Variants in GPR176 observed in about 807,000 individuals in gnomAD.
GPR176 encodes the protein G-protein coupled receptor 176.
Under a neutral mutation model 35.4 loss-of-function variants are expected in GPR176, and 26 were observed. The ratio of observed to expected loss-of-function variants is 0.74; its 90% confidence interval spans 0.54 to 1.02. The LOEUF is 1.02. GPR176 is among the 50% of genes least tolerant of loss of function. The probability of loss-of-function intolerance (pLI) is 0.00; values close to 1 mark genes in which losing one functional copy is unlikely to be tolerated. For synonymous variants in GPR176, 278 were observed against 271.3 expected (o/e 1.02, Z -0.24); for missense variants, 597 against 665.3 (o/e 0.90, Z 1.13).
At chr15:39,815,978 A>G (rs1178575250) in intron 1 of GPR176, among the ~76,000 whole-genome samples, 3 of 152,240 alleles carry the variant, frequency 2.0e-5, no homozygotes, top group African/African-American at 7.2e-5. Context: ...GAAAAGGAGG[A>G]AATCCTGTCA....
At chr15:39,803,976 T>C (rs1043011523) in intron 2 of GPR176, among the ~76,000 whole-genome samples, 2 of 151,674 alleles carry the variant, frequency 1.3e-5, no homozygotes, top group Admixed American at 1.3e-4. Context: ...GCATAAGTGA[T>C]GCATGCTTTC....
Position 39,801,730 on chromosome 15 carries a change from G to A in GPR176, c.950C>T (p.Pro317Leu), listed in dbSNP as rs762971470. Reference protein sequence around the residue: ...WLPKVSLLANPVLFLTVNKSV... With the variant: ...WLPKVSLLANLVLFLTVNKSV... ...TTTGTTCACAGTAAGAAAGAGAACA[G>A]GGTTTGCCAGCAGGGAGACTTTGGG... The change falls in exon 3 of 3, where the codon CCT (proline) becomes CTT (leucine). Residue 317 changes from proline to leucine, a missense_variant. By Grantham distance (98) the Pro-to-Leu change is moderately conservative (BLOSUM62 -3). Around this residue, in one of 3 missense-constraint regions of GPR176, gnomAD observed 251 missense variants for 255.4 expected, o/e 0.98. Transcript: ENST00000561100. 7 of 1,613,726 alleles carry A rather than the reference G, an allele frequency of 4.3e-6. No individual in the cohort carries two copies. The highest frequency in any genetic ancestry group is 5.9e-6 in the Non-Finnish European group (7 of 1,179,756).
intron 1 of GPR176, among the ~76,000 whole-genome samples, chr15:39,867,108 T>C (rs1426172161): frequency 2.0e-5 from 3 of 152,092 alleles, no homozygotes; most frequent in Non-Finnish European, 4.4e-5. Context: ...TTTAGGAAGA[T>C]GGTTCTTACT....
In GPR176 at chr15:39,837,454, G is replaced by A. The variant is rs549990372; in HGVS notation, c.173-30196C>T. Among the ~76,000 whole-genome samples the A allele has an allele frequency of 1.9e-3, 296 of 152,178 alleles. 2 individuals carry two copies. The highest frequency in any genetic ancestry group is 6.9e-3 in the African/African-American group (286 of 41,522). On this transcript the variant is annotated intron_variant, in intron 1 of 2. Coordinates refer to ENST00000561100, the MANE Select transcript of GPR176 (RefSeq NM_007223.3). ...GAATTCCCTTGCCTCTTGTACATAC[G>A]TGGTAAATCCTATTTAAGCTTTAAG...
chr15:39,896,979 G>A (rs1325619032), intron 1 of GPR176, among the ~76,000 whole-genome samples: 1 of 152,236 alleles, frequency 6.6e-6, no homozygotes, highest in Admixed American at 6.5e-5. Context: ...ATCTCTGGTT[G>A]TGGTTTCTTC....
intron 1 of GPR176, among the ~76,000 whole-genome samples, chr15:39,875,285 C>A (rs558575966): frequency 3.3e-5 from 5 of 152,276 alleles, no homozygotes; most frequent in Non-Finnish European, 7.4e-5. Context: ...AAAGCAAAAA[C>A]CAACCGTTTC....
chr15:39,872,758 A>T (rs1158826833), intron 1 of GPR176, among the ~76,000 whole-genome samples: 1 of 152,088 alleles, frequency 6.6e-6, no homozygotes, highest in Non-Finnish European at 1.5e-5. Flanking sequence ...AAAAGACCAT[A>T]TCTCACAAGA....
chr15:39,894,389 T>C (rs1320700325), intron 1 of GPR176: 83 of 132,446 alleles, frequency 6.3e-4, no homozygotes, highest in Middle Eastern at 3.8e-3. Context: ...CCGGACGGGG[T>C]GGCTGCCGGG....
chr15:39,852,612 C>G (rs1241657371), intron 1 of GPR176, among the ~76,000 whole-genome samples: 1 of 152,134 alleles, frequency 6.6e-6, no homozygotes, highest in Non-Finnish European at 1.5e-5. Context: ...TCTCTCTTGC[C>G]CAAACACTGC....
rs533734498 is a variant in GPR176 at position 39,801,081 on chromosome 15, CTGG to C, written c.*48_*50del. The C allele has an allele frequency of 1.2e-4, 174 of 1,458,078 alleles. 2 individuals carry two copies. In the South Asian group the frequency reaches 2.2e-3, roughly 18 times the overall value. 90.3% of individuals were successfully genotyped at this position (1,458,078 alleles called of 1,614,324 possible). A position where few individuals can be genotyped will look rare whatever the true frequency, so the allele number is the denominator to read the frequency against. On this transcript the variant is annotated 3_prime_UTR_variant, in exon 3 of 3. Transcript: ENST00000561100. ...CACATGGCCACAGCATTCCCACACT[CTGG>C]TGGGAATATGGAAGCTCCCCGTTGC...
At chr15:39,851,966 T>C (rs755446172) in intron 1 of GPR176, among the ~76,000 whole-genome samples, 9 of 152,156 alleles carry the variant, frequency 5.9e-5, no homozygotes, top group Non-Finnish European at 1.3e-4. Flanking sequence ...ACAGTCTGCT[T>C]TTGGTATTGT....
intron 1 of GPR176, among the ~76,000 whole-genome samples, chr15:39,850,952 G>A (rs1178470082): frequency 6.6e-6 from 1 of 152,080 alleles, no homozygotes; most frequent in Non-Finnish European, 1.5e-5. Flanking sequence ...GAACTAACAT[G>A]CTGGAAGTTG....
intron 1 of GPR176, among the ~76,000 whole-genome samples, chr15:39,830,521 G>A (rs913735145): frequency 6.6e-6 from 1 of 152,140 alleles, no homozygotes; most frequent in African/African-American, 2.4e-5. Context: ...GAGCACCCTG[G>A]GCATGCAGGC....
rs928856153 is a variant in GPR176 at position 39,800,073 on chromosome 15, G to C, written c.*1059C>G. On this transcript the variant is annotated 3_prime_UTR_variant, in exon 3 of 3. Transcript: ENST00000561100. The stretch of plus-strand genomic sequence containing the variant: ...CCTCGGAAGGAAACCATCTTTGTCA[G>C]ATTCTTGCCAACCTTTTGGGCAGAG... 6.6e-6 allele frequency: 1 copy of C among 152,216 alleles called. No homozygotes were observed. The highest frequency in any genetic ancestry group is 1.5e-5 in the Non-Finnish European group (1 of 68,034). 9.4% of individuals were successfully genotyped at this position (152,216 alleles called of 1,614,324 possible).
At chr15:39,904,616 A>G (rs1283579806) in intron 1 of GPR176, among the ~76,000 whole-genome samples, 1 of 152,138 alleles carries the variant, frequency 6.6e-6, no homozygotes, top group Non-Finnish European at 1.5e-5. Flanking sequence ...GTCCCCTGCA[A>G]TTGGGGTTCA....
chr15:39,817,682 TAGAAAG>T (rs1655535584), intron 1 of GPR176, among the ~76,000 whole-genome samples: 2 of 151,752 alleles, frequency 1.3e-5, no homozygotes, highest in Non-Finnish European at 2.9e-5. Context: ...CAAAGAGAAT[TAGAAAG>T]AGTAAGAGAG....
chr15:39,900,873 A>G (rs189263570), intron 1 of GPR176, among the ~76,000 whole-genome samples: 1 of 152,374 alleles, frequency 6.6e-6, no homozygotes, highest in East Asian at 1.9e-4. Context: ...GAATTAGAAC[A>G]GAAGTAGAAA....
intron 1 of GPR176, among the ~76,000 whole-genome samples, chr15:39,854,092 G>A (rs982144725): frequency 3.9e-5 from 6 of 152,092 alleles, no homozygotes; most frequent in African/African-American, 1.4e-4. Context: ...AAGGGAGGGA[G>A]AGTCTGTAAT....
At chr15:39,856,148 A>G (rs1406223731) in intron 1 of GPR176, among the ~76,000 whole-genome samples, 2 of 152,204 alleles carry the variant, frequency 1.3e-5, no homozygotes, top group East Asian at 1.9e-4. Flanking sequence ...GGCATGCCCA[A>G]TCTAAAGGGT....
Sources: allele counts gnomAD v4.1 joint callset (sites outside exome capture counted in the v4.1 genomes callset), GRCh38; gene constraint gnomAD v4.1.1; regional missense constraint gnomAD v4.1.1; transcripts MANE v1.5; gene names NCBI Gene and HGNC (gene_info 2026-07-23, HGNC 2026-07-21).